Variants in PPP1R12A observed in about 807,000 individuals in gnomAD.
PPP1R12A encodes myosin binding subunit.
A neutral mutation model predicts 139.6 loss-of-function variants in PPP1R12A; 19 were observed. That is an observed-to-expected ratio of 0.14 (90% CI 0.09 to 0.20). The LOEUF is 0.20. PPP1R12A is among the 10% of genes least tolerant of loss of function. The probability of loss-of-function intolerance (pLI) is 1.00; values close to 1 mark genes in which losing one functional copy is unlikely to be tolerated. For synonymous variants in PPP1R12A, 427 were observed against 420.6 expected (o/e 1.02, Z -0.19); for missense variants, 925 against 1,211.5 (o/e 0.76, Z 3.51).
At chr12:79,899,909 G>A (rs998273302) in intron 1 of PPP1R12A, among the ~76,000 whole-genome samples, 2 of 152,036 alleles carry the variant, frequency 1.3e-5, no homozygotes, top group Admixed American at 6.6e-5. Flanking sequence ...TGGCCTTTCT[G>A]ATTAGTGTAA....
intron 11 of PPP1R12A, among the ~76,000 whole-genome samples, chr12:79,807,600 A>C (rs1372405130): frequency 1.2e-4 from 19 of 152,264 alleles, no homozygotes; most frequent in Non-Finnish European, 2.5e-4. Flanking sequence ...TGCTTACTTT[A>C]ACCGCAGAAG....
Position 79,845,327 on chromosome 12 carries a change from T to C in PPP1R12A, c.462A>G (p.Leu154=). The change falls in exon 3 of 25, where the codon CTA becomes CTG. Residue 154 remains leucine (L), a synonymous_variant. Transcript: ENST00000450142. ...CTTGCCGATTAACTTCATTTTGAAG[T>C]AGCTCTTCCATTGCCTCCTCCTCCG... The part of the protein sequence containing the change: ...DIAEEEAMEE[L]LQNEVNRQGV... The C allele has an allele frequency of 6.2e-7, 1 of 1,612,248 alleles. No individual in the cohort carries two copies. Among genetic ancestry groups the C allele is most frequent in the South Asian group, 1.1e-5 (1 of 90,972 alleles).
intron 24 of PPP1R12A, chr12:79,777,703 A>C (rs1331711311): frequency 2.2e-6 from 2 of 910,518 alleles, no homozygotes; most frequent in Non-Finnish European, 2.6e-6. Context: ...AGAAAATGGA[A>C]AAGAGTATAA....
At chr12:79,876,379 C>T (rs1236354307) in intron 1 of PPP1R12A, among the ~76,000 whole-genome samples, 3 of 152,192 alleles carry the variant, frequency 2.0e-5, no homozygotes, top group Non-Finnish European at 4.4e-5. Context: ...GCTGCTTCCA[C>T]AATACCTTGA....
At chr12:79,822,228 G>A (rs751954353) in intron 5 of PPP1R12A, 38 bp from the exon 6 acceptor site, 2 of 1,392,796 alleles carry the variant, frequency 1.4e-6, no homozygotes, top group African/African-American at 2.9e-5. Context: ...ATGGTCAAAA[G>A]TCAATAAATC....
chr12:79,903,665 C>T (rs886718770), intron 1 of PPP1R12A, among the ~76,000 whole-genome samples: 1 of 152,118 alleles, frequency 6.6e-6, no homozygotes, highest in Non-Finnish European at 1.5e-5. Context: ...TTCTATATAG[C>T]ACAATCTGGA....
chr12:79,896,017 AGAG>A (rs77237265), intron 1 of PPP1R12A, among the ~76,000 whole-genome samples: 6,143 of 151,880 alleles, frequency 0.04, 426 homozygotes, highest in East Asian at 0.29. Context: ...TTTTTTTAAA[AGAG>A]GAGTAGTATA....
intron 24 of PPP1R12A, 23 bp downstream of exon 24, chr12:79,778,527 C>A: frequency 6.9e-7 from 1 of 1,449,794 alleles, no homozygotes; most frequent in South Asian, 1.3e-5. Context: ...CACTCTCTCT[C>A]ATAAGTAACA....
intron 1 of PPP1R12A, among the ~76,000 whole-genome samples, chr12:79,889,311 C>T (rs1223073042): frequency 6.6e-6 from 1 of 152,134 alleles, no homozygotes; most frequent in Non-Finnish European, 1.5e-5. Flanking sequence ...AATGTCACAG[C>T]AAGGAATGGC....
chr12:79,791,614 C>T (rs1871873297), intron 19 of PPP1R12A, among the ~76,000 whole-genome samples: 1 of 152,190 alleles, frequency 6.6e-6, no homozygotes, highest in Non-Finnish European at 1.5e-5. Flanking sequence ...AGGTGTGAGC[C>T]ACCATGCCCG....
rs149384466 is a variant in PPP1R12A at position 79,814,815 on chromosome 12, C to CAAAAAA, written c.1239+2573_1239+2578dup. ...GGGTGACAAGAGTGAAACTCTGTCT[C>CAAAAAA]AAAAAAAAAAAAAAAAAAAAAAAAA... On this transcript the variant is annotated intron_variant, in intron 9 of 24. Transcript: ENST00000450142. Among the ~76,000 whole-genome samples, 4 of 69,748 alleles carry CAAAAAA rather than the reference C, an allele frequency of 5.7e-5. No homozygotes were observed. The East Asian group carries it at 1.8e-3, about 32-fold the overall frequency. The allele number at this position is 69,748 out of a possible 152,430, so 45.8% of individuals were successfully genotyped here. A position where few individuals can be genotyped will look rare whatever the true frequency, so the allele number is the denominator to read the frequency against.
At chr12:79,793,763 G>T in intron 19 of PPP1R12A, 100 bp downstream of exon 19, 1 of 869,820 alleles carries the variant, frequency 1.1e-6, no homozygotes, top group Non-Finnish European at 1.8e-6. Flanking sequence ...GGTAGAGTAT[G>T]CAATAACTGC....
At chr12:79,860,998 A>C (rs2137280740) in intron 2 of PPP1R12A, among the ~76,000 whole-genome samples, 1 of 152,318 alleles carries the variant, frequency 6.6e-6, no homozygotes. Flanking sequence ...GACACAGGTT[A>C]GAAGAAGTTA....
At chr12:79,858,438 C>T (rs567501730) in intron 2 of PPP1R12A, among the ~76,000 whole-genome samples, 85 of 152,300 alleles carry the variant, frequency 5.6e-4, no homozygotes, top group African/African-American at 2.0e-3. Context: ...TTAATCTTCA[C>T]AATCTTATAA....
At chr12:79,790,785 C>G (rs767857166) in intron 19 of PPP1R12A, among the ~76,000 whole-genome samples, 1 of 152,142 alleles carries the variant, frequency 6.6e-6, no homozygotes, top group Non-Finnish European at 1.5e-5. Flanking sequence ...TAAGGTAAAA[C>G]AGTCTTACTG....
intron 20 of PPP1R12A, chr12:79,789,624 G>A: frequency 2.2e-6 from 1 of 452,728 alleles, no homozygotes; most frequent in East Asian, 7.0e-5. Context: ...CATTGGCTCT[G>A]CATTTCAATT....
chr12:79,912,512 C>A (rs914862607), intron 1 of PPP1R12A, among the ~76,000 whole-genome samples: 2 of 151,784 alleles, frequency 1.3e-5, no homozygotes, highest in African/African-American at 2.4e-5. Context: ...GGCAACATAG[C>A]GAGACCCCCA....
rs375547280 is a variant in PPP1R12A at position 79,904,378 on chromosome 12, C to CA, written c.237+30316dup. ...TGTATCCCCGAACAGACTGGAAACTCAAAGGCAGACACTTTCTGTATGTGC... is the reference window on the plus strand; with the variant it reads ...TGTATCCCCGAACAGACTGGAAACTCAAAAGGCAGACACTTTCTGTATGTGC... On this transcript the variant is annotated intron_variant, in intron 1 of 24. Coordinates refer to ENST00000450142, the MANE Select transcript of PPP1R12A (RefSeq NM_002480.3). Among the ~76,000 whole-genome samples the CA allele has an allele frequency of 5.2e-3, 786 of 152,186 alleles. 5 individuals are homozygous for CA. Among genetic ancestry groups the CA allele is most frequent in the African/African-American group, 0.018 (746 of 41,526 alleles).
At chr12:79,826,222 T>C (rs1162366891) in intron 5 of PPP1R12A, among the ~76,000 whole-genome samples, 1 of 151,990 alleles carries the variant, frequency 6.6e-6, no homozygotes, top group East Asian at 1.9e-4. Flanking sequence ...ATCATGTTCC[T>C]GAATCCAAAA....
Sources: allele counts gnomAD v4.1 joint callset (sites outside exome capture counted in the v4.1 genomes callset), GRCh38; gene constraint gnomAD v4.1.1; transcripts MANE v1.5; gene names NCBI Gene and HGNC (gene_info 2026-07-23, HGNC 2026-07-21).